Variants in COA1 observed in about 807,000 individuals in gnomAD.
The protein encoded by COA1 is cytochrome c oxidase assembly factor 1 homolog.
COA1 carries 13 observed loss-of-function variants against 16.0 expected under a neutral mutation model. That is an observed-to-expected ratio of 0.81 (90% CI 0.53 to 1.29). The LOEUF (loss-of-function observed/expected upper bound fraction) is 1.29, where lower values mean the gene tolerates loss of function less well. COA1 is among the 50% of genes most tolerant of loss of function. COA1 has a pLI of 0.00. For missense variants in COA1, 179 were observed against 177.0 expected (o/e 1.01, Z -0.06); for synonymous variants, 65 against 65.7 (o/e 0.99, Z 0.05).
chr7:43,686,738 G>A (rs1303849599), intron 1 of COA1, among the ~76,000 whole-genome samples: 1 of 152,154 alleles, frequency 6.6e-6, no homozygotes, highest in Non-Finnish European at 1.5e-5. Context: ...TACCTGAAAA[G>A]TGTTATATTT....
chr7:43,674,293 T>C (rs2093411094), intron 1 of COA1, among the ~76,000 whole-genome samples: 1 of 152,234 alleles, frequency 6.6e-6, no homozygotes, highest in Non-Finnish European at 1.5e-5. Context: ...TGGTCTTTGA[T>C]AAAAATCAAA....
chr7:43,682,134 A>G (rs1043369476), intron 1 of COA1, among the ~76,000 whole-genome samples: 2 of 152,218 alleles, frequency 1.3e-5, no homozygotes, highest in African/African-American at 4.8e-5. Context: ...ATGGTAACCC[A>G]TGTCTCCAAG....
At chr7:43,691,294 AAAGAAAGAAAGAAAG>A (rs2094298761) in intron 1 of COA1, among the ~76,000 whole-genome samples, 2 of 74,030 alleles carry the variant, frequency 2.7e-5, no homozygotes, top group African/African-American at 8.7e-5. Flanking sequence ...AGAAAGAAAG[AAAGAAAGAAAGAAAG>A]AAAGAAAGAA....
At chr7:43,644,785 GGC>G (rs554932489) in intron 4 of COA1, among the ~76,000 whole-genome samples, 26,322 of 104,998 alleles carry the variant, frequency 0.25, 4,101 homozygotes, top group South Asian at 0.37. Flanking sequence ...CAGGCAGGCA[GGC>G]AGGCAGAGAG....
At chr7:43,725,099 G>T (rs1314396302) in intron 1 of COA1, among the ~76,000 whole-genome samples, 2 of 152,128 alleles carry the variant, frequency 1.3e-5, no homozygotes, top group Non-Finnish European at 1.5e-5. Context: ...TTAGCTAGGT[G>T]TGGTGGCGCA....
At chr7:43,724,469 T>C (rs1044509603) in intron 1 of COA1, among the ~76,000 whole-genome samples, 2 of 151,656 alleles carry the variant, frequency 1.3e-5, no homozygotes, top group African/African-American at 4.9e-5. Flanking sequence ...GGAGAATCAC[T>C]TGAACCAGGA....
intron 1 of COA1, among the ~76,000 whole-genome samples, chr7:43,681,491 T>C (rs184165270): frequency 2.0e-4 from 30 of 152,328 alleles, no homozygotes; most frequent in Admixed American, 1.9e-3. Context: ...GGGGAAATGG[T>C]TCCCTTCTTT....
At chr7:43,709,132 T>G (rs1033497969) in intron 1 of COA1, among the ~76,000 whole-genome samples, 10 of 151,832 alleles carry the variant, frequency 6.6e-5, no homozygotes, top group African/African-American at 2.4e-4. Context: ...CACACCATTC[T>G]CCTGCCTCAG....
chr7:43,629,874 T>C (rs1165318530), intron 6 of COA1, among the ~76,000 whole-genome samples: 2 of 152,232 alleles, frequency 1.3e-5, no homozygotes, highest in Non-Finnish European at 2.9e-5. Flanking sequence ...GATTCTACCT[T>C]TGGCCCCATT....
intron 4 of COA1, among the ~76,000 whole-genome samples, chr7:43,644,812 A>ATG (rs1248775280): frequency 6.7e-6 from 1 of 150,256 alleles, no homozygotes; most frequent in Non-Finnish European, 1.5e-5. Flanking sequence ...AGAGAGAGAG[A>ATG]GAGAGAGAGA....
At chr7:43,708,867 C>T (rs535129831) in intron 1 of COA1, among the ~76,000 whole-genome samples, 19 of 152,068 alleles carry the variant, frequency 1.2e-4, no homozygotes, top group Middle Eastern at 3.4e-3. Context: ...TTTGGCTTGC[C>T]TTTCACTCTC....
At chr7:43,673,711 C>G (rs2093378787) in intron 1 of COA1, among the ~76,000 whole-genome samples, 1 of 152,188 alleles carries the variant, frequency 6.6e-6, no homozygotes, top group Non-Finnish European at 1.5e-5. Flanking sequence ...CATCACTGCA[C>G]TATTCACAAT....
intron 1 of COA1, among the ~76,000 whole-genome samples, chr7:43,700,077 C>T (rs893325550): frequency 6.6e-6 from 1 of 151,990 alleles, no homozygotes; most frequent in African/African-American, 2.4e-5. Flanking sequence ...AAACAAAAAT[C>T]AAGACTGTAC....
At chr7:43,682,512 G>T (rs760897095) in intron 1 of COA1, among the ~76,000 whole-genome samples, 1 of 152,046 alleles carries the variant, frequency 6.6e-6, no homozygotes, top group East Asian at 1.9e-4. Context: ...GAAGTAATCC[G>T]AATTCTTTCA....
downstream of COA1, chr7:43,638,700 C>G (rs930043554): frequency 6.6e-6 from 1 of 151,998 alleles, no homozygotes; most frequent in Non-Finnish European, 1.5e-5. Context: ...CTCAGCCTCC[C>G]AGGTAGCTGG....
chr7:43,691,199 T>C (rs777746226), intron 1 of COA1, among the ~76,000 whole-genome samples: 1 of 147,192 alleles, frequency 6.8e-6, no homozygotes, highest in Non-Finnish European at 1.5e-5. Context: ...CAGTGAGCGA[T>C]AATCATGCCA....
chr7:43,691,351 G>C lies in COA1; in HGVS notation c.-39+38078C>G, dbSNP rs547323078. ...AAAGAGAAAGAGAGAGAGGGAGGGA[G>C]GGAGGGAGGGAGGGAGGGAGGGAGG... is the stretch of plus-strand genomic sequence containing the variant. On this transcript the variant is annotated intron_variant, in intron 1 of 5. Coordinates refer to ENST00000223336, the MANE Select transcript of COA1 (RefSeq NM_018224.4). Among the ~76,000 whole-genome samples, 33 of 23,602 alleles carry C rather than the reference G, an allele frequency of 1.4e-3. 2 individuals are homozygous for C. The highest frequency in any genetic ancestry group is 8.8e-3 in the African/African-American group (33 of 3,752). The allele number at this position is 23,602 out of a possible 152,430, so 15.5% of individuals were successfully genotyped here.
chr7:43,628,531 A>G (rs977936038), intron 6 of COA1, among the ~76,000 whole-genome samples: 2 of 152,200 alleles, frequency 1.3e-5, no homozygotes, highest in African/African-American at 4.8e-5. Context: ...ACTGCCCAAC[A>G]GTTTTCTAAA....
chr7:43,717,123 C>G (rs922487661), intron 1 of COA1, among the ~76,000 whole-genome samples: 1 of 152,194 alleles, frequency 6.6e-6, no homozygotes, highest in African/African-American at 2.4e-5. Context: ...GGTTGGAGCC[C>G]CCACACAGAG....
Sources: allele counts gnomAD v4.1 joint callset (sites outside exome capture counted in the v4.1 genomes callset), GRCh38; gene constraint gnomAD v4.1.1; transcripts MANE v1.5; gene names NCBI Gene and HGNC (gene_info 2026-07-23, HGNC 2026-07-21).